The following ARHGEF26 variants were observed in gnomAD, a reference collection of about 807,000 sequenced individuals.
ARHGEF26 encodes Rho guanine nucleotide exchange factor (GEF) 26.
ARHGEF26 carries 59 observed loss-of-function variants against 89.4 expected under a neutral mutation model. The ratio of observed to expected loss-of-function variants is 0.66; its 90% confidence interval spans 0.54 to 0.82. The LOEUF (loss-of-function observed/expected upper bound fraction) is 0.82, where lower values mean the gene tolerates loss of function less well. Among genes scored for constraint, ARHGEF26 ranks in the 40% least tolerant of loss-of-function variants. ARHGEF26 has a pLI of 0.00. For synonymous variants in ARHGEF26, 500 were observed against 428.4 expected (o/e 1.17, Z -2.06); for missense variants, 1,234 against 1,085.6 (o/e 1.14, Z -1.92).
intron 6 of ARHGEF26, among the ~76,000 whole-genome samples, chr3:154,175,757 A>T (rs16823760): frequency 2.0e-5 from 3 of 152,040 alleles, no homozygotes; most frequent in African/African-American, 7.2e-5. Flanking sequence ...TTGGCACTGT[A>T]TGTTTTGTTT....
At chr3:154,197,939 A>G (rs998745106) in intron 9 of ARHGEF26, among the ~76,000 whole-genome samples, 4 of 152,138 alleles carry the variant, frequency 2.6e-5, no homozygotes, top group Non-Finnish European at 4.4e-5. Context: ...TTACTCTCCC[A>G]TGGAAAGAGA....
intron 4 of ARHGEF26, among the ~76,000 whole-genome samples, chr3:154,133,571 G>A (rs1272555824): frequency 1.3e-5 from 2 of 151,752 alleles, no homozygotes; most frequent in African/African-American, 2.4e-5. Flanking sequence ...TGGTTTGTGT[G>A]TCTGTTTTTG....
At chr3:154,139,918 G>T (rs1483966360) in intron 4 of ARHGEF26, among the ~76,000 whole-genome samples, 1 of 152,140 alleles carries the variant, frequency 6.6e-6, no homozygotes, top group Non-Finnish European at 1.5e-5. Context: ...AAGTATTATT[G>T]ACAGTAAAAT....
intron 11 of ARHGEF26, among the ~76,000 whole-genome samples, chr3:154,228,569 A>G (rs1716637095): frequency 1.3e-5 from 2 of 150,968 alleles, no homozygotes; most frequent in African/African-American, 4.9e-5. Context: ...TTGCCTTACC[A>G]ATTAGTTCAT....
intron 2 of ARHGEF26, 31 bp from the exon 3 acceptor site, chr3:154,124,379 T>A: frequency 7.2e-7 from 1 of 1,390,710 alleles, no homozygotes. Flanking sequence ...TTCCTTTTTT[T>A]TTTTTTTTTT....
intron 9 of ARHGEF26, among the ~76,000 whole-genome samples, chr3:154,206,189 A>T (rs1399261830): frequency 6.6e-6 from 1 of 152,138 alleles, no homozygotes; most frequent in Non-Finnish European, 1.5e-5. Flanking sequence ...TTTTGCCTTC[A>T]GCACTTGAAA....
At chr3:154,239,299 A>AGAGAGTGTGTGTGTGTGT (rs1182446964) in intron 11 of ARHGEF26, among the ~76,000 whole-genome samples, 1 of 64,258 alleles carries the variant, frequency 1.6e-5, no homozygotes, top group African/African-American at 6.1e-5. Flanking sequence ...AGAGAGAGAG[A>AGAGAGTGTGTGTGTGTGT]GTGTGTGTGT....
chr3:154,145,322 T>C (rs1719633032), intron 4 of ARHGEF26, among the ~76,000 whole-genome samples: 1 of 152,214 alleles, frequency 6.6e-6, no homozygotes, highest in Non-Finnish European at 1.5e-5. Flanking sequence ...TGAGAGTGAT[T>C]GTGTCCTGTG....
At chr3:154,140,433 A>G (rs1317469537) in intron 4 of ARHGEF26, among the ~76,000 whole-genome samples, 1 of 152,200 alleles carries the variant, frequency 6.6e-6, no homozygotes, top group Non-Finnish European at 1.5e-5. Flanking sequence ...GGGCTCTGGA[A>G]GAGCAGGAAC....
chr3:154,202,061 A>G (rs1222299918), intron 9 of ARHGEF26, among the ~76,000 whole-genome samples: 21 of 152,150 alleles, frequency 1.4e-4, no homozygotes, highest in Admixed American at 1.4e-3. Flanking sequence ...TTGGTGTTTT[A>G]GACATGAAGT....
chr3:154,156,689 A>G (rs570879638), intron 6 of ARHGEF26, among the ~76,000 whole-genome samples: 3 of 152,316 alleles, frequency 2.0e-5, no homozygotes, highest in Admixed American at 1.3e-4. Flanking sequence ...TGCAAAGGCT[A>G]TTTCATGATG....
intron 3 of ARHGEF26, among the ~76,000 whole-genome samples, chr3:154,125,144 A>C (rs1027853390): frequency 6.6e-6 from 1 of 152,136 alleles, no homozygotes; most frequent in African/African-American, 2.4e-5. Flanking sequence ...GAGGGTAGTT[A>C]AATTTTTGTC....
intron 11 of ARHGEF26, among the ~76,000 whole-genome samples, chr3:154,232,824 G>A (rs1716897236): frequency 6.6e-6 from 1 of 151,800 alleles, no homozygotes; most frequent in African/African-American, 2.4e-5. Flanking sequence ...GCCAGTGAGT[G>A]AGTGGGTTTC....
intron 12 of ARHGEF26, among the ~76,000 whole-genome samples, chr3:154,250,780 GTATTT>G (rs1412406419): frequency 2.6e-5 from 4 of 152,200 alleles, no homozygotes; most frequent in Admixed American, 6.5e-5. Flanking sequence ...TATTCATGAG[GTATTT>G]TGTTTTCGAT....
Position 154,217,728 on chromosome 3 carries a change from C to G in ARHGEF26, c.1846-141C>G, listed in dbSNP as rs190929790. 5 of 663,484 alleles carry G rather than the reference C, an allele frequency of 7.5e-6. No homozygotes were observed. In the Admixed American group the frequency reaches 1.3e-4, roughly 17 times the overall value. The allele number at this position is 663,484 out of a possible 1,614,324, so 41.1% of individuals were successfully genotyped here. On this transcript the variant is annotated intron_variant, in intron 9 of 14. Transcript: ENST00000465093. ...TTCTAACTGGATACGAATGTCTTAA[C>G]TGTGAAAAACTGTGAGTTCTCTGTC...
chr3:154,218,366 G>A (rs764053305), intron 10 of ARHGEF26, among the ~76,000 whole-genome samples: 29 of 152,216 alleles, frequency 1.9e-4, no homozygotes, highest in African/African-American at 3.9e-4. Flanking sequence ...TCCTTTTCTC[G>A]TTTACAAAAC....
At chr3:154,175,600 G>A (rs2108149494) in intron 6 of ARHGEF26, among the ~76,000 whole-genome samples, 1 of 152,250 alleles carries the variant, frequency 6.6e-6, no homozygotes, top group Admixed American at 6.5e-5. Flanking sequence ...CCTCTGGTTT[G>A]TATCCCCTGA....
chr3:154,243,459 C>G (rs1717596876), intron 12 of ARHGEF26, among the ~76,000 whole-genome samples: 1 of 152,198 alleles, frequency 6.6e-6, no homozygotes, highest in Admixed American at 6.5e-5. Context: ...AGGAGGTGAA[C>G]TGACATGTCC....
chr3:154,221,619 A>G (rs1244465636), intron 10 of ARHGEF26, among the ~76,000 whole-genome samples: 1 of 152,248 alleles, frequency 6.6e-6, no homozygotes, highest in Non-Finnish European at 1.5e-5. Flanking sequence ...AGTATACGCA[A>G]ATAATGTGAT....
Sources: gnomAD v4.1 joint callset for allele counts (sites outside exome capture counted in the v4.1 genomes callset) on GRCh38, gnomAD v4.1.1 for gene constraint, MANE v1.5 for transcripts, NCBI Gene and HGNC (gene_info 2026-07-23, HGNC 2026-07-21) for gene names.